Variants in DUSP13B observed in about 807,000 individuals in gnomAD.
DUSP13B encodes dual specificity protein phosphatase 13B.
At chr10:75,095,917 G>T in the DUSP13B span, 1 of 908,050 alleles carries the variant, frequency 1.1e-6, no homozygotes. Context: ...ACAAGAGCCT[G>T]CAAATTGGCC....
At chr10:75,098,974 G>C in the DUSP13B span, 1 of 1,231,988 alleles carries the variant, frequency 8.1e-7, no homozygotes, top group Non-Finnish European at 1.0e-6. Flanking sequence ...TTCCTCAAGG[G>C]AGCCTGGTAC....
chr10:75,100,812 C>G, the DUSP13B span, among the ~76,000 whole-genome samples: 4,754 of 152,334 alleles, frequency 0.031, 100 homozygotes, highest in Non-Finnish European at 0.043. Flanking sequence ...GTCACTCCCC[C>G]GTTTGCCTCT....
chr10:75,094,694 C>T, the DUSP13B span: 19 of 1,614,068 alleles, frequency 1.2e-5, no homozygotes, highest in Middle Eastern at 6.6e-4. Context: ...GCCCCGTCTC[C>T]CGCCCCAGTC....
At chr10:75,105,587 C>A in the DUSP13B span, 1 of 1,371,152 alleles carries the variant, frequency 7.3e-7, no homozygotes, top group Non-Finnish European at 1.0e-6. Context: ...GAATCCAATC[C>A]TATGTCTGCA....
chr10:75,108,408 T>C, the DUSP13B span: 2 of 956,626 alleles, frequency 2.1e-6, no homozygotes, highest in Non-Finnish European at 3.0e-6. Flanking sequence ...CGGCGGTGTG[T>C]GTGTCGGGGG....
At chr10:75,097,492 G>A in the DUSP13B span, among the ~76,000 whole-genome samples, 2 of 152,206 alleles carry the variant, frequency 1.3e-5, no homozygotes, top group African/African-American at 4.8e-5. Flanking sequence ...TTACAGGCGT[G>A]AGCCACCGCA....
chr10:75,095,797 T>G, the DUSP13B span: 1 of 1,613,870 alleles, frequency 6.2e-7, no homozygotes, highest in Non-Finnish European at 8.5e-7. Flanking sequence ...GCTGCGTACC[T>G]GGAGGAGAGG....
At chr10:75,109,110 C>A in the DUSP13B span, 1 of 1,611,570 alleles carries the variant, frequency 6.2e-7, no homozygotes, top group Admixed American at 1.7e-5. Context: ...TGGGGCAAGG[C>A]GTGGCTTTGT....
chr10:75,102,985 C>CACTTATAG, the DUSP13B span, among the ~76,000 whole-genome samples: 2 of 151,922 alleles, frequency 1.3e-5, no homozygotes, highest in African/African-American at 4.8e-5. Flanking sequence ...TGGTGGCACA[C>CACTTATAG]ACTTATAGTC....
chr10:75,109,130 C>A, the DUSP13B span: 6 of 1,606,168 alleles, frequency 3.7e-6, no homozygotes, highest in Non-Finnish European at 5.1e-6. Context: ...TCCTCTCCCC[C>A]CAGCTCTGGG....
chr10:75,094,804 C>A, the DUSP13B span: 1 of 1,614,050 alleles, frequency 6.2e-7, no homozygotes, highest in Admixed American at 1.7e-5. Context: ...GTCATGTTCT[C>A]ACAGATCATG....
At chr10:75,105,721 A>G in the DUSP13B span, 7 of 1,554,096 alleles carry the variant, frequency 4.5e-6, no homozygotes, top group East Asian at 9.7e-5. Context: ...GAGCTGGTGC[A>G]GGAAGCCTCG....
chr10:75,108,928 A>G, the DUSP13B span: 2 of 1,503,072 alleles, frequency 1.3e-6, no homozygotes, highest in East Asian at 2.5e-5. Context: ...CCTTGTTTCC[A>G]CCCTCCTGTG....
the DUSP13B span, chr10:75,094,849 C>T: frequency 1.9e-6 from 3 of 1,614,128 alleles, no homozygotes; most frequent in South Asian, 1.1e-5. Flanking sequence ...GAGCGGCTTA[C>T]CCCCATGGCA....
At chr10:75,099,482 T>C in the DUSP13B span, 5 of 1,232,222 alleles carry the variant, frequency 4.1e-6, no homozygotes, top group Non-Finnish European at 5.1e-6. Flanking sequence ...GGCAGGACTC[T>C]GCCTGAGCGG....
the DUSP13B span, among the ~76,000 whole-genome samples, chr10:75,102,908 C>T: frequency 6.6e-5 from 10 of 152,112 alleles, no homozygotes; most frequent in African/African-American, 2.4e-4. Context: ...GCTGAGATCA[C>T]GCCATTGCAC....
the DUSP13B span, among the ~76,000 whole-genome samples, chr10:75,101,699 T>A: frequency 6.6e-6 from 1 of 152,108 alleles, no homozygotes; most frequent in Non-Finnish European, 1.5e-5. Context: ...AACCCAGGTC[T>A]CTCTGACTCT....
the DUSP13B span, among the ~76,000 whole-genome samples, chr10:75,107,544 GGTTC>G: frequency 3.3e-5 from 5 of 152,094 alleles, no homozygotes; most frequent in African/African-American, 1.2e-4. Flanking sequence ...GAAGGAATCG[GGTTC>G]GACAAAATGC....
chr10:75,108,012 C>A, the DUSP13B span: 1 of 1,612,884 alleles, frequency 6.2e-7, no homozygotes, highest in Non-Finnish European at 8.5e-7. Flanking sequence ...GTTGAGGGCA[C>A]GGTGGATGAA....
Sources: allele counts gnomAD v4.1 joint callset (sites outside exome capture counted in the v4.1 genomes callset), GRCh38; gene constraint gnomAD v4.1.1; transcripts MANE v1.5; gene names NCBI Gene and HGNC (gene_info 2026-07-23, HGNC 2026-07-21).